ADAMTS14: variants seen among roughly 807,000 people sequenced by gnomAD.
ADAMTS14 encodes A disintegrin and metalloproteinase with thrombospondin motifs 14.
In ADAMTS14, 100 loss-of-function variants were observed where a neutral mutation model predicts 128.6. That is an observed-to-expected ratio of 0.78 (90% CI 0.66 to 0.92). The LOEUF (loss-of-function observed/expected upper bound fraction) is 0.92, where lower values mean the gene tolerates loss of function less well. ADAMTS14 is among the 40% of genes least tolerant of loss of function. The pLI is 0.00. For synonymous variants in ADAMTS14, 665 were observed against 653.8 expected, an observed-to-expected ratio of 1.02 and a Z score of -0.26; for missense variants, 1,562 against 1,658.6, an observed-to-expected ratio of 0.94 and a Z score of 1.01.
At position 70,732,249 on chromosome 10, in the gene ADAMTS14, G is replaced by T; in HGVS notation, c.1103-5G>T. ...CTCTCCACCTTTTCTTTCTCTCTTC[G>T]GCAGGGTATGCACCCGTCACTGGCA... is the stretch of plus-strand genomic sequence containing the variant. On this transcript the variant is annotated splice_polypyrimidine_tract_variant and splice_region_variant and intron_variant, in intron 6 of 21. Transcript: ENST00000373207. 1 of 1,613,562 alleles carries T rather than the reference G, an allele frequency of 6.2e-7. No individual in the cohort carries two copies. The highest frequency in any genetic ancestry group is 8.5e-7 in the Non-Finnish European group (1 of 1,179,516).
chr10:70,716,172 G>A (rs1417194626), intron 4 of ADAMTS14, among the ~76,000 whole-genome samples: 1 of 152,208 alleles, frequency 6.6e-6, no homozygotes, highest in African/African-American at 2.4e-5. Flanking sequence ...GCCAGAAAGT[G>A]GGTGAGGAGA....
chr10:70,691,397 G>A (rs140975418), intron 2 of ADAMTS14, among the ~76,000 whole-genome samples: 1,898 of 140,178 alleles, frequency 0.014, 115 homozygotes, highest in African/African-American at 0.045. Flanking sequence ...AAACTGAGGC[G>A]GGAGAATCGC....
chr10:70,759,976 A>G (rs1000650504), intron 21 of ADAMTS14, among the ~76,000 whole-genome samples: 17 of 152,320 alleles, frequency 1.1e-4, no homozygotes, highest in Middle Eastern at 3.4e-3. Flanking sequence ...GGGTTCTCAG[A>G]TGCGCCCACA....
At chr10:70,702,500 T>C (rs747772903) in intron 3 of ADAMTS14, 32 bp downstream of exon 3, 18 of 1,572,358 alleles carry the variant, frequency 1.1e-5, no homozygotes, top group Non-Finnish European at 1.6e-5. Flanking sequence ...GTGTGCTGCT[T>C]CTCTCCCTAC....
At chr10:70,743,189 A>C (rs1589326770) in intron 12 of ADAMTS14, among the ~76,000 whole-genome samples, 1 of 152,348 alleles carries the variant, frequency 6.6e-6, no homozygotes, top group Middle Eastern at 3.4e-3. Context: ...AAGCCATTAA[A>C]GCTGTATTTT....
At chr10:70,712,027 G>A (rs1244740487) in intron 4 of ADAMTS14, among the ~76,000 whole-genome samples, 1 of 152,140 alleles carries the variant, frequency 6.6e-6, no homozygotes, top group Admixed American at 6.5e-5. Flanking sequence ...AAGGGCAAAG[G>A]CTACCACATG....
chr10:70,715,276 C>A (rs1000155369), intron 4 of ADAMTS14, among the ~76,000 whole-genome samples: 2 of 152,180 alleles, frequency 1.3e-5, no homozygotes, highest in Non-Finnish European at 1.5e-5. Context: ...TATCCTAATG[C>A]TGGGGTTCCA....
Position 70,758,040 on chromosome 10 carries a change from G to A in ADAMTS14, c.3016G>A (p.Glu1006Lys), listed in dbSNP as rs146237817. The A allele has an allele frequency of 7.9e-4, 1,279 of 1,613,580 alleles. 1 individual carries two copies. Among genetic ancestry groups the A allele is most frequent in the Non-Finnish European group, 1.0e-3 (1,199 of 1,179,906 alleles). Residue 1006 changes from glutamate (E) to lysine (K), a missense_variant, in exon 20 of 22, where the codon GAG (glutamate) becomes AAG (lysine). Glu to Lys is a moderately conservative substitution (Grantham distance 56). Coordinates refer to ENST00000373207, the MANE Select transcript of ADAMTS14 (RefSeq NM_080722.4). Reference protein sequence around the residue: ...RTNANSLGHCEGDRPDTVQVC... With the variant: ...RTNANSLGHCKGDRPDTVQVC... ...CAACGCCAACAGCCTCGGGCATTGC[G>A]AGGGGGATAGGCCAGACACTGTCCA...
intron 2 of ADAMTS14, among the ~76,000 whole-genome samples, chr10:70,685,902 G>A (rs190406262): frequency 1.8e-4 from 28 of 152,258 alleles, no homozygotes; most frequent in South Asian, 1.2e-3. Context: ...TAACTTCTGC[G>A]TGTCATTGTC....
chr10:70,743,002 G>T (rs550416427), intron 12 of ADAMTS14, among the ~76,000 whole-genome samples: 1 of 152,264 alleles, frequency 6.6e-6, no homozygotes, highest in South Asian at 2.1e-4. Flanking sequence ...TTTTGTAGGG[G>T]TCAGAGCAGG....
At chr10:70,709,022 A>G (rs573707801) in intron 4 of ADAMTS14, among the ~76,000 whole-genome samples, 1 of 152,332 alleles carries the variant, frequency 6.6e-6, no homozygotes, top group East Asian at 1.9e-4. Flanking sequence ...TCCCAGCTGT[A>G]CATACCTGGG....
chr10:70,698,030 T>G (rs1250513711), intron 2 of ADAMTS14, among the ~76,000 whole-genome samples: 1 of 152,210 alleles, frequency 6.6e-6, no homozygotes, highest in Non-Finnish European at 1.5e-5. Flanking sequence ...CTGGAGAATT[T>G]CCATTTGGGG....
At chr10:70,759,743 G>A (rs936516163) in intron 21 of ADAMTS14, among the ~76,000 whole-genome samples, 1 of 152,222 alleles carries the variant, frequency 6.6e-6, no homozygotes, top group African/African-American at 2.4e-5. Context: ...CCTGTCCCAA[G>A]CATGAGTTGC....
chr10:70,749,670 C>A, intron 15 of ADAMTS14, 152 bp from the exon 16 acceptor site: 1 of 851,610 alleles, frequency 1.2e-6, no homozygotes, highest in Non-Finnish European at 1.8e-6. Context: ...AGCGTGTTGA[C>A]CTGTCTGACT....
rs182008948 is a variant in ADAMTS14, at chr10:70,735,986, C to T, written c.1485+685C>T. On this transcript the variant is annotated intron_variant, in intron 9 of 21. Coordinates refer to ENST00000373207, the MANE Select transcript of ADAMTS14 (RefSeq NM_080722.4). ...CAGGGAATGCAGCTCTCTTCACCTCCGTGGAATGGGGAGCGCCCCCAACCA... is the reference window on the plus strand; with the variant it reads ...CAGGGAATGCAGCTCTCTTCACCTCTGTGGAATGGGGAGCGCCCCCAACCA... Among the ~76,000 whole-genome samples the T allele has an allele frequency of 9.1e-4, 138 of 152,332 alleles. 1 individual carries two copies. In the East Asian group the frequency reaches 0.022, roughly 24 times the overall value.
intron 15 of ADAMTS14, among the ~76,000 whole-genome samples, chr10:70,748,815 G>A (rs116894098): frequency 0.01 from 1,546 of 152,284 alleles, 18 homozygotes; most frequent in Non-Finnish European, 0.014. Context: ...CTTCCACCTG[G>A]ACACCCCAAG....
At chr10:70,751,200 C>T (rs1277550040) in intron 16 of ADAMTS14, among the ~76,000 whole-genome samples, 1 of 152,164 alleles carries the variant, frequency 6.6e-6, no homozygotes, top group Non-Finnish European at 1.5e-5. Flanking sequence ...GCCCTGCCCT[C>T]CCATCAGAAC....
At chr10:70,738,367 T>C (rs1554821636) in intron 10 of ADAMTS14, among the ~76,000 whole-genome samples, 1 of 152,106 alleles carries the variant, frequency 6.6e-6, no homozygotes, top group Non-Finnish European at 1.5e-5. Context: ...CAGGAATCCT[T>C]CATGCATACA....
At chr10:70,699,861 C>T (rs1181431439) in intron 2 of ADAMTS14, among the ~76,000 whole-genome samples, 1 of 152,134 alleles carries the variant, frequency 6.6e-6, no homozygotes, top group Non-Finnish European at 1.5e-5. Flanking sequence ...CTCTGCTAGG[C>T]AGCTTGAGAG....
Sources: gnomAD v4.1 joint callset for allele counts (sites outside exome capture counted in the v4.1 genomes callset) on GRCh38, gnomAD v4.1.1 for gene constraint, MANE v1.5 for transcripts, NCBI Gene and HGNC (gene_info 2026-07-23, HGNC 2026-07-21) for gene names.